The following SYN3 variants were observed in gnomAD, a reference collection of about 807,000 sequenced individuals.
SYN3 encodes synapsin III.
In SYN3, 35 loss-of-function variants were observed where a neutral mutation model predicts 65.8. The ratio of observed to expected loss-of-function variants is 0.53; its 90% CI spans 0.41 to 0.70. The LOEUF (loss-of-function observed/expected upper bound fraction) is 0.70, where lower values mean the gene tolerates loss of function less well. Among genes scored for constraint, SYN3 ranks in the 30% least tolerant of loss-of-function variants. The probability of loss-of-function intolerance (pLI) is 0.00; values close to 1 mark genes in which losing one functional copy is unlikely to be tolerated. For missense variants in SYN3, 680 were observed against 749.0 expected (o/e 0.91, Z 1.08); for synonymous variants, 270 against 292.9 (o/e 0.92, Z 0.80).
At chr22:32,766,329 T>G (rs1172336699) in intron 6 of SYN3, among the ~76,000 whole-genome samples, 2 of 152,208 alleles carry the variant, frequency 1.3e-5, no homozygotes, top group Non-Finnish European at 2.9e-5. Flanking sequence ...AAGAAACATG[T>G]ACAATTTTCT....
intron 6 of SYN3, among the ~76,000 whole-genome samples, chr22:32,733,095 TG>T (rs1377462930): frequency 6.6e-6 from 1 of 152,192 alleles, no homozygotes; most frequent in Non-Finnish European, 1.5e-5. Flanking sequence ...CTTGGAGAAT[TG>T]GCTGATCCCT....
At chr22:32,685,475 G>T (rs2060577647) in intron 6 of SYN3, among the ~76,000 whole-genome samples, 1 of 152,172 alleles carries the variant, frequency 6.6e-6, no homozygotes, top group Non-Finnish European at 1.5e-5. Flanking sequence ...GCCCTATACA[G>T]GTGTACCACT....
rs546259133 is a variant in SYN3, at chr22:32,748,420, C to T, written c.711+116495G>A. On this transcript the variant is annotated intron_variant, in intron 6 of 13. Transcript: ENST00000358763. Reference sequence around the variant, plus strand: ...CTCATCAATAAAACAAGGTTGACAACAACTGCCTTAGAGAAAATGGCAAAA... The same window carrying T: ...CTCATCAATAAAACAAGGTTGACAATAACTGCCTTAGAGAAAATGGCAAAA... 4.6e-4 allele frequency among the ~76,000 whole-genome samples: 70 copies of T among 152,268 alleles called. No homozygotes were observed. The South Asian group carries it at 0.015, about 32-fold the overall frequency.
chr22:33,050,196 G>A (rs1276726085), intron 1 of SYN3, among the ~76,000 whole-genome samples: 1 of 152,084 alleles, frequency 6.6e-6, no homozygotes, highest in Non-Finnish European at 1.5e-5. Flanking sequence ...AAATTGAGGG[G>A]CTTGGCCAGG....
intron 6 of SYN3, among the ~76,000 whole-genome samples, chr22:32,778,314 G>A (rs189708692): frequency 3.3e-5 from 5 of 151,366 alleles, no homozygotes; most frequent in Admixed American, 1.3e-4. Flanking sequence ...TTTTGAGACA[G>A]AATCTCACCC....
At chr22:33,022,481 T>C (rs1341244379) in intron 1 of SYN3, among the ~76,000 whole-genome samples, 2 of 152,180 alleles carry the variant, frequency 1.3e-5, no homozygotes, top group East Asian at 3.9e-4. Context: ...CCCAAAGCTC[T>C]TTTCCAGCCA....
At chr22:32,619,693 C>T (rs564228786) in intron 6 of SYN3, among the ~76,000 whole-genome samples, 96 of 152,334 alleles carry the variant, frequency 6.3e-4, no homozygotes, top group South Asian at 1.2e-3. Context: ...GCAGTTCCTT[C>T]CACCAAGAGA....
At chr22:32,845,713 T>A (rs1032872102) in intron 6 of SYN3, among the ~76,000 whole-genome samples, 1 of 152,130 alleles carries the variant, frequency 6.6e-6, no homozygotes, top group African/African-American at 2.4e-5. Flanking sequence ...GTGTCCAGCC[T>A]GGCCCATCTG....
intron 6 of SYN3, chr22:32,849,673 G>A: frequency 2.5e-6 from 2 of 789,948 alleles, no homozygotes; most frequent in Non-Finnish European, 4.4e-6. Context: ...GCCTGCTGGA[G>A]AGGGAGCTGC....
chr22:33,050,479 C>CAAA (rs58653594), intron 1 of SYN3, among the ~76,000 whole-genome samples: 7 of 108,522 alleles, frequency 6.5e-5, no homozygotes, highest in Admixed American at 1.0e-4. Flanking sequence ...GAGACTGTTT[C>CAAA]AAAAAAAAAA....
chr22:32,868,892 G>C, intron 5 of SYN3, 74 bp downstream of exon 5: 1 of 1,477,958 alleles, frequency 6.8e-7, no homozygotes. Flanking sequence ...ATGCTGGGGA[G>C]TGGGCTTGTC....
intron 4 of SYN3, among the ~76,000 whole-genome samples, chr22:32,927,864 A>T: frequency 6.6e-6 from 1 of 152,134 alleles, no homozygotes; most frequent in Non-Finnish European, 1.5e-5. Context: ...TTCTCTGAGG[A>T]TAGAATTATA....
intron 6 of SYN3, among the ~76,000 whole-genome samples, chr22:32,709,416 A>G (rs2060925617): frequency 6.6e-6 from 1 of 152,210 alleles, no homozygotes; most frequent in South Asian, 2.1e-4. Flanking sequence ...ACAAAACCAA[A>G]CCCAAGTGGA....
intron 3 of SYN3, among the ~76,000 whole-genome samples, chr22:32,963,979 C>G (rs536207551): frequency 6.6e-6 from 1 of 152,134 alleles, no homozygotes; most frequent in Admixed American, 6.5e-5. Flanking sequence ...CCTGGCAGCA[C>G]TAGAGGGGGT....
chr22:32,555,796 A>G (rs1032392013), intron 7 of SYN3, among the ~76,000 whole-genome samples: 3 of 152,204 alleles, frequency 2.0e-5, no homozygotes, highest in African/African-American at 7.2e-5. Flanking sequence ...GAAGGCATGC[A>G]TCCAGCTCAT....
intron 1 of SYN3, among the ~76,000 whole-genome samples, chr22:33,036,696 T>C (rs962537389): frequency 9.7e-6 from 1 of 103,288 alleles, no homozygotes; most frequent in Non-Finnish European, 2.3e-5. Flanking sequence ...TTTTTTTTTT[T>C]TTTTTTTTTT....
chr22:33,005,946 C>T (rs909068423), intron 2 of SYN3, among the ~76,000 whole-genome samples: 3 of 152,184 alleles, frequency 2.0e-5, no homozygotes, highest in Non-Finnish European at 4.4e-5. Context: ...TTCCAGCAGG[C>T]TCTGAACTAT....
chr22:32,871,669 T>C (rs920201610), intron 4 of SYN3, among the ~76,000 whole-genome samples: 4 of 152,006 alleles, frequency 2.6e-5, no homozygotes, highest in Non-Finnish European at 5.9e-5. Flanking sequence ...AGTGCAGTGG[T>C]GTCATCACAC....
chr22:32,681,142 G>A (rs1184242847), intron 6 of SYN3, among the ~76,000 whole-genome samples: 2 of 152,150 alleles, frequency 1.3e-5, no homozygotes, highest in Non-Finnish European at 1.5e-5. Context: ...TGGGAGATGA[G>A]GTGGCAGAGT....
Sources: allele counts gnomAD v4.1 joint callset (sites outside exome capture counted in the v4.1 genomes callset), GRCh38; gene constraint gnomAD v4.1.1; transcripts MANE v1.5; gene names NCBI Gene and HGNC (gene_info 2026-07-23, HGNC 2026-07-21).